Variants in ST6GALNAC3 observed in about 807,000 individuals in gnomAD.
ST6GALNAC3 encodes the protein ST6 N-acetylgalactosaminide alpha-2,6-sialyltransferase 3, also known as alpha-N-acetylgalactosaminide alpha-2,6-sialyltransferase 3.
In ST6GALNAC3, 25 loss-of-function variants were observed where a neutral mutation model predicts 32.7. The observed-to-expected ratio is 0.76, with a 90% CI of 0.56 to 1.07. ST6GALNAC3 has a LOEUF of 1.07. Among genes scored for constraint, ST6GALNAC3 ranks in the 50% least tolerant of loss-of-function variants. The probability of loss-of-function intolerance (pLI) is 0.00; values close to 1 mark genes in which losing one functional copy is unlikely to be tolerated. For missense variants in ST6GALNAC3, 355 were observed against 382.4 expected, an observed-to-expected ratio of 0.93 and a Z score of 0.60; for synonymous variants, 129 against 133.1, an observed-to-expected ratio of 0.97 and a Z score of 0.21.
At chr1:76,592,049 G>A (rs1047795816) in intron 3 of ST6GALNAC3, among the ~76,000 whole-genome samples, 7 of 152,186 alleles carry the variant, frequency 4.6e-5, no homozygotes, top group Non-Finnish European at 1.0e-4. Context: ...ATGTTCTTAT[G>A]TAAGGTGAAG....
intron 1 of ST6GALNAC3, among the ~76,000 whole-genome samples, chr1:76,307,351 T>C (rs1661123846): frequency 6.6e-6 from 1 of 152,168 alleles, no homozygotes; most frequent in African/African-American, 2.4e-5. Context: ...TTCAACTTTG[T>C]GCAAATGGAA....
intron 3 of ST6GALNAC3, among the ~76,000 whole-genome samples, chr1:76,490,400 C>T (rs1271784016): frequency 3.3e-5 from 5 of 150,874 alleles, no homozygotes; most frequent in African/African-American, 9.7e-5. Flanking sequence ...TCCTTAGACA[C>T]TTCAATTTTG....
At position 76,139,140 on chromosome 1, in the gene ST6GALNAC3, G is replaced by A. The variant is rs1306099317; in HGVS notation, c.18+64256G>A. ...ACCCGGGAGGCGGAGCTTGCTGTGA[G>A]CCGAGATCGCGCCACTGCACTCCAG... On this transcript the variant is annotated intron_variant, in intron 1 of 4. Coordinates refer to ENST00000328299, the MANE Select transcript of ST6GALNAC3 (RefSeq NM_152996.4). 2.0e-5 allele frequency among the ~76,000 whole-genome samples: 3 copies of A among 151,860 alleles called. No homozygotes were observed. The East Asian group carries it at 5.8e-4, about 29-fold the overall frequency.
intron 3 of ST6GALNAC3, among the ~76,000 whole-genome samples, chr1:76,462,525 CA>C (rs969176055): frequency 1.6e-5 from 2 of 125,134 alleles, no homozygotes. Context: ...TGGCAGCCAG[CA>C]TTTTTTTTTT....
chr1:76,594,128 T>G (rs187547977), intron 3 of ST6GALNAC3, among the ~76,000 whole-genome samples: 3 of 152,192 alleles, frequency 2.0e-5, no homozygotes, highest in Non-Finnish European at 2.9e-5. Context: ...TCCAGTCATA[T>G]GACTATGTGA....
chr1:76,135,714 A>G (rs926474196), intron 1 of ST6GALNAC3, among the ~76,000 whole-genome samples: 4 of 152,324 alleles, frequency 2.6e-5, no homozygotes, highest in East Asian at 1.9e-4. Context: ...GTCACCCAAG[A>G]TAGGATTTCT....
chr1:76,353,722 C>G (rs1649195192), intron 2 of ST6GALNAC3: 1 of 153,084 alleles, frequency 6.5e-6, no homozygotes, highest in Non-Finnish European at 1.5e-5. Flanking sequence ...AGCAAATCAT[C>G]TAGTAACAAA....
rs182050248 is a variant in ST6GALNAC3, at chr1:76,531,190, C to A, written c.624-96262C>A. 2.0e-5 allele frequency among the ~76,000 whole-genome samples: 3 copies of A among 152,290 alleles called. No homozygotes were observed. The East Asian group carries it at 5.8e-4, about 29-fold the overall frequency. Reference sequence around the variant, plus strand: ...GCTATTCCAGTGAATGCAATGTATGCAGAACATGTCAAACTCTTGGGCCGC... The same window carrying A: ...GCTATTCCAGTGAATGCAATGTATGAAGAACATGTCAAACTCTTGGGCCGC... On this transcript the variant is annotated intron_variant, in intron 3 of 4. Transcript: ENST00000328299.
At chr1:76,409,379 C>T (rs1415455846) in intron 2 of ST6GALNAC3, among the ~76,000 whole-genome samples, 1 of 152,062 alleles carries the variant, frequency 6.6e-6, no homozygotes, top group Admixed American at 6.6e-5. Context: ...TTATCTTTGA[C>T]ATTTCAAATA....
intron 3 of ST6GALNAC3, among the ~76,000 whole-genome samples, chr1:76,512,476 C>G (rs1345695580): frequency 6.6e-6 from 1 of 152,046 alleles, no homozygotes; most frequent in Non-Finnish European, 1.5e-5. Context: ...TATAATTACA[C>G]ATATTTATGG....
intron 1 of ST6GALNAC3, among the ~76,000 whole-genome samples, chr1:76,298,895 C>G (rs923408994): frequency 3.3e-5 from 5 of 152,002 alleles, no homozygotes; most frequent in African/African-American, 9.6e-5. Flanking sequence ...TGTTTGCCTC[C>G]GTTTTGCTTG....
intron 3 of ST6GALNAC3, among the ~76,000 whole-genome samples, chr1:76,544,744 G>A (rs568148192): frequency 3.9e-5 from 6 of 152,242 alleles, no homozygotes; most frequent in South Asian, 2.1e-4. Flanking sequence ...GGATTCTGAC[G>A]CTAGATATAC....
chr1:76,608,690 C>T (rs1453524727), intron 3 of ST6GALNAC3, among the ~76,000 whole-genome samples: 2 of 145,524 alleles, frequency 1.4e-5, no homozygotes, highest in African/African-American at 5.0e-5. Flanking sequence ...CTTTTTATAA[C>T]CTGTTTAAAA....
intron 3 of ST6GALNAC3, among the ~76,000 whole-genome samples, chr1:76,529,420 T>C (rs1294328135): frequency 6.6e-6 from 1 of 152,170 alleles, no homozygotes; most frequent in African/African-American, 2.4e-5. Context: ...AAGTGCTATA[T>C]AAGTGTCAAG....
In ST6GALNAC3 at chr1:76,314,001, T is replaced by TAAG; in HGVS notation, c.213+4_213+6dup. ...TACATAAATGTGAAGACACAAGAGG[T>TAAG]AAGATCCCAGAGGGTTACCTAGCAG... On this transcript the variant is annotated splice_region_variant and intron_variant, in intron 2 of 4. Transcript: ENST00000328299. The TAAG allele has an allele frequency of 6.2e-7, 1 of 1,610,686 alleles. No individual in the cohort carries two copies. The highest frequency in any genetic ancestry group is 1.3e-5 in the African/African-American group (1 of 74,838).
chr1:76,559,206 C>T (rs972706013), intron 3 of ST6GALNAC3, among the ~76,000 whole-genome samples: 1 of 152,068 alleles, frequency 6.6e-6, no homozygotes, highest in South Asian at 2.1e-4. Flanking sequence ...GAAACCACTA[C>T]CATAGATGAC....
intron 1 of ST6GALNAC3, among the ~76,000 whole-genome samples, chr1:76,187,482 C>A (rs1011841077): frequency 1.3e-5 from 2 of 152,098 alleles, no homozygotes; most frequent in African/African-American, 4.8e-5. Context: ...GATTATGTTA[C>A]TAGTGACTAA....
At chr1:76,518,085 T>G (rs1050262747) in intron 3 of ST6GALNAC3, among the ~76,000 whole-genome samples, 3 of 152,032 alleles carry the variant, frequency 2.0e-5, no homozygotes, top group African/African-American at 7.2e-5. Context: ...TATCATTGAT[T>G]TATAATTTGT....
chr1:76,550,319 G>T (rs1348552505), intron 3 of ST6GALNAC3, among the ~76,000 whole-genome samples: 1 of 152,106 alleles, frequency 6.6e-6, no homozygotes, highest in African/African-American at 2.4e-5. Context: ...AAGTAGTCCA[G>T]CTGGAATCAT....
Sources: allele counts gnomAD v4.1 joint callset (sites outside exome capture counted in the v4.1 genomes callset), GRCh38; gene constraint gnomAD v4.1.1; transcripts MANE v1.5; gene names NCBI Gene and HGNC (gene_info 2026-07-23, HGNC 2026-07-21).